Variants in ERBB4 observed in about 807,000 individuals in gnomAD.
The protein encoded by ERBB4 is erb-b2 receptor tyrosine kinase 4.
Under a neutral mutation model 158.0 loss-of-function variants are expected in ERBB4, and 42 were observed. That is an observed-to-expected ratio of 0.27 (90% CI 0.21 to 0.34). ERBB4 has a LOEUF of 0.34. Among genes scored for constraint, ERBB4 ranks in the 10% least tolerant of loss-of-function variants. The probability of loss-of-function intolerance (pLI) is 1.00; values close to 1 mark genes in which losing one functional copy is unlikely to be tolerated. For synonymous variants in ERBB4, 583 were observed against 558.7 expected, an observed-to-expected ratio of 1.04 and a Z score of -0.61; for missense variants, 1,333 against 1,624.1, an observed-to-expected ratio of 0.82 and a Z score of 3.08.
intron 3 of ERBB4, among the ~76,000 whole-genome samples, chr2:211,797,854 G>C (rs537019468): frequency 6.6e-6 from 1 of 151,980 alleles, no homozygotes; most frequent in Non-Finnish European, 1.5e-5. Context: ...TAAATCTGGA[G>C]AAAATCAGGA....
intron 3 of ERBB4, among the ~76,000 whole-genome samples, chr2:211,790,530 A>G (rs1161608066): frequency 6.6e-6 from 1 of 152,074 alleles, no homozygotes; most frequent in East Asian, 1.9e-4. Context: ...TCTGCTATGA[A>G]TGTTGACATT....
At chr2:211,944,051 A>G (rs2080580682) in intron 3 of ERBB4, among the ~76,000 whole-genome samples, 1 of 142,224 alleles carries the variant, frequency 7.0e-6, no homozygotes, top group Admixed American at 7.3e-5. Context: ...AGAAACGCAA[A>G]CCATATATAT....
intron 1 of ERBB4, among the ~76,000 whole-genome samples, chr2:212,262,175 T>C (rs2106089878): frequency 6.6e-6 from 1 of 152,328 alleles, no homozygotes. Flanking sequence ...AGGAAAATCA[T>C]TCAAATCATA....
chr2:212,049,185 C>A (rs911369914), intron 2 of ERBB4, among the ~76,000 whole-genome samples: 1 of 152,114 alleles, frequency 6.6e-6, no homozygotes, highest in African/African-American at 2.4e-5. Context: ...TGTTTACATT[C>A]TTTCTTAAAG....
intron 3 of ERBB4, among the ~76,000 whole-genome samples, chr2:211,889,149 G>C (rs2078893113): frequency 7.0e-6 from 1 of 143,720 alleles, no homozygotes; most frequent in Admixed American, 6.7e-5. Flanking sequence ...AAGTGTCCCT[G>C]TCTGACAGCT....
intron 1 of ERBB4, among the ~76,000 whole-genome samples, chr2:212,456,267 G>A (rs1211298799): frequency 6.6e-5 from 10 of 152,010 alleles, no homozygotes; most frequent in South Asian, 2.1e-4. Flanking sequence ...ACAATATGTA[G>A]ATTAAGAAAA....
rs566719974 is a variant in ERBB4, at chr2:211,905,763, T to TATATATATAC, written c.421+41666_421+41667insGTATATATAT. Among the ~76,000 whole-genome samples, 173 of 141,518 alleles carry TATATATATAC rather than the reference T, an allele frequency of 1.2e-3. 2 individuals are homozygous for TATATATATAC. The highest frequency in any genetic ancestry group is 4.1e-3 in the African/African-American group (156 of 37,854). The allele number at this position is 141,518 out of a possible 152,430, so 92.8% of individuals were successfully genotyped here. The stretch of plus-strand genomic sequence containing the variant: ...GTGTGTGTATATATATATATATATA[T>TATATATATAC]ACTATTATGTATACAACACATAGGA... On this transcript the variant is annotated intron_variant, in intron 3 of 27. Transcript: ENST00000342788.
intron 2 of ERBB4, among the ~76,000 whole-genome samples, chr2:212,072,583 G>GT (rs1210652562): frequency 1.3e-5 from 2 of 151,976 alleles, no homozygotes; most frequent in Non-Finnish European, 2.9e-5. Context: ...GGGCTGGGCA[G>GT]TAAGAATTCA....
chr2:211,509,120 G>C (rs2065826099), intron 20 of ERBB4, among the ~76,000 whole-genome samples: 1 of 150,758 alleles, frequency 6.6e-6, no homozygotes, highest in Non-Finnish European at 1.5e-5. Context: ...ACTCATAAGT[G>C]GGAGTTGAAC....
rs538833122 is a variant in ERBB4, at chr2:211,507,490, C to A, written c.2487+54413G>T. 6.4e-4 allele frequency among the ~76,000 whole-genome samples: 97 copies of A among 152,224 alleles called. 1 individual carries two copies. Among genetic ancestry groups the A allele is most frequent in the African/African-American group, 2.1e-3 (89 of 41,566 alleles). On this transcript the variant is annotated intron_variant, in intron 20 of 27. Transcript: ENST00000342788. ...CAGGAGGCATCACATTGCCCAACTT[C>A]AAGCTATGCTATAAGGCTACAGTAA...
At chr2:211,514,464 T>A (rs1280842045) in intron 20 of ERBB4, among the ~76,000 whole-genome samples, 1 of 152,096 alleles carries the variant, frequency 6.6e-6, no homozygotes, top group African/African-American at 2.4e-5. Context: ...AAGAAAAATG[T>A]TTTGAGTATA....
At chr2:212,143,323 T>C (rs974613998) in intron 1 of ERBB4, among the ~76,000 whole-genome samples, 1 of 152,194 alleles carries the variant, frequency 6.6e-6, no homozygotes, top group African/African-American at 2.4e-5. Context: ...ATTATTGTTA[T>C]AGCTATTATT....
intron 1 of ERBB4, among the ~76,000 whole-genome samples, chr2:212,266,219 T>C (rs968954157): frequency 3.3e-5 from 5 of 151,906 alleles, no homozygotes; most frequent in Admixed American, 2.6e-4. Context: ...AGGAGGGATA[T>C]TGTTATACTA....
intron 15 of ERBB4, among the ~76,000 whole-genome samples, chr2:211,659,718 T>C (rs546053633): frequency 1.9e-4 from 29 of 152,250 alleles, no homozygotes; most frequent in Non-Finnish European, 4.0e-4. Flanking sequence ...CTGTGTTACA[T>C]GTCTACTAAG....
chr2:211,746,351 G>T (rs1438836120), intron 5 of ERBB4, among the ~76,000 whole-genome samples: 9 of 152,152 alleles, frequency 5.9e-5, no homozygotes, highest in African/African-American at 1.9e-4. Flanking sequence ...TTTAAATTTG[G>T]TAGGCTTTGT....
At chr2:212,290,180 T>A (rs78258082) in intron 1 of ERBB4, among the ~76,000 whole-genome samples, 1 of 152,164 alleles carries the variant, frequency 6.6e-6, no homozygotes. Context: ...TGTAGTTTTA[T>A]ATTTTTTAAA....
chr2:211,642,543 A>G (rs919683529), intron 16 of ERBB4, among the ~76,000 whole-genome samples: 2 of 152,248 alleles, frequency 1.3e-5, no homozygotes, highest in South Asian at 2.1e-4. Flanking sequence ...CTCTTTATCT[A>G]TGTAATGATA....
intron 3 of ERBB4, among the ~76,000 whole-genome samples, chr2:211,862,347 G>C (rs1405597960): frequency 6.6e-6 from 1 of 151,904 alleles, no homozygotes; most frequent in Non-Finnish European, 1.5e-5. Flanking sequence ...TTTCTTATCA[G>C]CAGAAAATAA....
At chr2:212,423,083 G>A (rs776065911) in intron 1 of ERBB4, among the ~76,000 whole-genome samples, 2 of 152,054 alleles carry the variant, frequency 1.3e-5, no homozygotes, top group Non-Finnish European at 1.5e-5. Context: ...AAAATGTAAA[G>A]TAATCTGTGT....
Sources: gnomAD v4.1 joint callset for allele counts (sites outside exome capture counted in the v4.1 genomes callset) on GRCh38, gnomAD v4.1.1 for gene constraint, MANE v1.5 for transcripts, NCBI Gene and HGNC (gene_info 2026-07-23, HGNC 2026-07-21) for gene names.